BMPER: variants seen among roughly 807,000 people sequenced by gnomAD.
BMPER encodes the protein BMP binding endothelial regulator.
Under a neutral mutation model 87.3 loss-of-function variants are expected in BMPER, and 45 were observed. That is an observed-to-expected ratio of 0.52 (90% CI 0.41 to 0.66). BMPER has a LOEUF of 0.66. Among genes scored for constraint, BMPER ranks in the 30% least tolerant of loss-of-function variants. The pLI is 0.00. For missense variants in BMPER, 784 were observed against 867.5 expected, an observed-to-expected ratio of 0.90 and a Z score of 1.21; for synonymous variants, 326 against 316.2, an observed-to-expected ratio of 1.03 and a Z score of -0.33.
chr7:34,103,405 G>A (rs1789734437), intron 13 of BMPER, among the ~76,000 whole-genome samples: 1 of 152,192 alleles, frequency 6.6e-6, no homozygotes, highest in South Asian at 2.1e-4. Flanking sequence ...GTAACCATAT[G>A]TTTTGAAACC....
intron 7 of BMPER, among the ~76,000 whole-genome samples, chr7:34,048,668 A>G (rs1677671468): frequency 6.6e-6 from 1 of 152,210 alleles, no homozygotes; most frequent in South Asian, 2.1e-4. Flanking sequence ...GTCAACTCAG[A>G]AGCTTCCCAT....
chr7:34,045,199 A>AT (rs1228848433), intron 6 of BMPER, among the ~76,000 whole-genome samples: 2 of 152,234 alleles, frequency 1.3e-5, no homozygotes, highest in Middle Eastern at 3.2e-3. Context: ...AAATTCACTG[A>AT]TTTTCTTAAG....
intron 13 of BMPER, among the ~76,000 whole-genome samples, chr7:34,129,638 A>AAGAAAGAAAGAAAGAAAGAG (rs1790520629): frequency 8.3e-6 from 1 of 120,620 alleles, no homozygotes. Flanking sequence ...GAGAGAAAGA[A>AAGAAAGAAAGAAAGAAAGAG]AGAAAGAAAG....
intron 9 of BMPER, 89 bp downstream of exon 9, chr7:34,055,392 A>G (rs1788256492): frequency 2.7e-6 from 4 of 1,507,226 alleles, no homozygotes; most frequent in Non-Finnish European, 3.7e-6. Context: ...GGGTTATCCC[A>G]TAATTTCTAT....
chr7:34,023,328 C>T (rs1787248374), intron 6 of BMPER, among the ~76,000 whole-genome samples: 2 of 152,024 alleles, frequency 1.3e-5, no homozygotes, highest in Admixed American at 1.3e-4. Flanking sequence ...GGTCTGATGG[C>T]ACTAGGGTGA....
At chr7:33,913,833 T>G (rs182598064) in intron 2 of BMPER, among the ~76,000 whole-genome samples, 36 of 152,314 alleles carry the variant, frequency 2.4e-4, no homozygotes, top group African/African-American at 8.2e-4. Context: ...AAATTATATT[T>G]GGAGCACCAG....
chr7:33,955,843 C>T (rs1785134723), intron 3 of BMPER, among the ~76,000 whole-genome samples: 2 of 152,030 alleles, frequency 1.3e-5, no homozygotes, highest in Admixed American at 6.6e-5. Context: ...GTAATAAAGA[C>T]AAAATGGCAT....
intron 6 of BMPER, among the ~76,000 whole-genome samples, chr7:33,994,468 C>T (rs1178407884): frequency 6.6e-6 from 1 of 152,160 alleles, no homozygotes; most frequent in Non-Finnish European, 1.5e-5. Flanking sequence ...AATGCCTCAC[C>T]CTGCTTTGGC....
At chr7:34,040,844 G>C (rs998083238) in intron 6 of BMPER, among the ~76,000 whole-genome samples, 2 of 152,174 alleles carry the variant, frequency 1.3e-5, no homozygotes, top group African/African-American at 2.4e-5. Context: ...GGAAAGAAGG[G>C]AGGTGGGAGG....
intron 13 of BMPER, among the ~76,000 whole-genome samples, chr7:34,089,494 A>AT (rs1013709715): frequency 1.4e-3 from 217 of 151,928 alleles, no homozygotes; most frequent in African/African-American, 3.1e-3. Context: ...TTATTTATTT[A>AT]TTTTTTTGAG....
chr7:33,910,494 A>G (rs1406131561), intron 2 of BMPER, among the ~76,000 whole-genome samples: 1 of 152,234 alleles, frequency 6.6e-6, no homozygotes, highest in Non-Finnish European at 1.5e-5. Context: ...ATAGGAGGAC[A>G]TGGCGGGAGC....
intron 2 of BMPER, among the ~76,000 whole-genome samples, chr7:33,924,561 C>T (rs1260845284): frequency 6.6e-6 from 1 of 152,242 alleles, no homozygotes; most frequent in East Asian, 1.9e-4. Context: ...TTGCTCTTTC[C>T]AGTGCCTGGA....
At chr7:34,054,427 T>C (rs1788227498) in intron 8 of BMPER, among the ~76,000 whole-genome samples, 1 of 152,220 alleles carries the variant, frequency 6.6e-6, no homozygotes, top group Non-Finnish European at 1.5e-5. Flanking sequence ...CAATTGAAGT[T>C]GGTTTATAAT....
chr7:34,098,230 C>CTTT (rs1789582777), intron 13 of BMPER, among the ~76,000 whole-genome samples: 1 of 152,026 alleles, frequency 6.6e-6, no homozygotes, highest in African/African-American at 2.4e-5. Context: ...GAGGAGAAAA[C>CTTT]ACTGGATACA....
Position 34,020,134 on chromosome 7 carries a change from A to C in BMPER, c.577-26172A>C, listed in dbSNP as rs569593050. Among the ~76,000 whole-genome samples the C allele has an allele frequency of 3.9e-5, 6 of 152,010 alleles. No individual in the cohort carries two copies. In the South Asian group the frequency reaches 1.0e-3, roughly 26 times the overall value. On this transcript the variant is annotated intron_variant, in intron 6 of 14. Coordinates refer to ENST00000649409, the MANE Select transcript of BMPER (RefSeq NM_001365308.1). ...ATGAATAGAGTGAACAGTGAAAGCA[A>C]GAGTTTGGGAAAGAAGGCAGAAGAT...
chr7:34,087,438 TG>T, intron 13 of BMPER, among the ~76,000 whole-genome samples: 1 of 152,316 alleles, frequency 6.6e-6, no homozygotes, highest in South Asian at 2.1e-4. Context: ...AAGAACTTTG[TG>T]GTGCCCCAGG....
chr7:34,043,520 A>C (rs781301893), intron 6 of BMPER, among the ~76,000 whole-genome samples: 1 of 152,190 alleles, frequency 6.6e-6, no homozygotes, highest in Non-Finnish European at 1.5e-5. Flanking sequence ...AGAAAAAGGC[A>C]ACCGATTTTG....
chr7:34,047,795 C>CTTCCTTCCTTCCTTCA, intron 7 of BMPER, among the ~76,000 whole-genome samples: 8 of 33,450 alleles, frequency 2.4e-4, no homozygotes, highest in African/African-American at 3.3e-4. Flanking sequence ...TCTTTCCTTC[C>CTTCCTTCCTTCCTTCA]TTCCTTCCTT....
chr7:34,024,567 T>C (rs1657466917), intron 6 of BMPER, among the ~76,000 whole-genome samples: 1 of 150,454 alleles, frequency 6.6e-6, no homozygotes, highest in African/African-American at 2.4e-5. Context: ...ATTCCAATGC[T>C]TTTAGCTGTT....
Sources: allele counts gnomAD v4.1 joint callset (sites outside exome capture counted in the v4.1 genomes callset), GRCh38; gene constraint gnomAD v4.1.1; transcripts MANE v1.5; gene names NCBI Gene and HGNC (gene_info 2026-07-23, HGNC 2026-07-21).